GPHN: variants seen among roughly 807,000 people sequenced by gnomAD.
GPHN encodes the protein gephyrin.
In GPHN, 17 loss-of-function variants were observed where a neutral mutation model predicts 95.5. The ratio of observed to expected loss-of-function variants is 0.18; its 90% CI spans 0.12 to 0.27. The LOEUF is 0.27. Among genes scored for constraint, GPHN ranks in the 10% least tolerant of loss-of-function variants. GPHN has a pLI of 1.00. For missense variants in GPHN, 660 were observed against 978.1 expected, an observed-to-expected ratio of 0.67 and a Z score of 4.34; for synonymous variants, 320 against 322.5, an observed-to-expected ratio of 0.99 and a Z score of 0.08.
At chr14:67,663,404 T>C in the GPHN span, among the ~76,000 whole-genome samples, 1 of 152,130 alleles carries the variant, frequency 6.6e-6, no homozygotes, top group Non-Finnish European at 1.5e-5. Flanking sequence ...CTGGGCACGG[T>C]GACTCACGCC....
the GPHN span, chr14:67,302,265 C>T: frequency 9.2e-7 from 1 of 1,088,924 alleles, no homozygotes; most frequent in East Asian, 2.9e-5. Flanking sequence ...AATCTAATTA[C>T]AATTACTCTA....
chr14:66,666,216 G>C (rs554452530), intron 1 of GPHN, among the ~76,000 whole-genome samples: 2 of 151,500 alleles, frequency 1.3e-5, no homozygotes, highest in East Asian at 1.9e-4. Context: ...AAACCTGCAC[G>C]TTGTGCACAT....
chr14:67,020,934 A>G (rs1243585087), intron 9 of GPHN, among the ~76,000 whole-genome samples: 1 of 152,112 alleles, frequency 6.6e-6, no homozygotes, highest in African/African-American at 2.4e-5. Context: ...GGGTAACATA[A>G]AGAAAAAAAC....
chr14:66,682,553 C>T (rs950829865), intron 2 of GPHN, among the ~76,000 whole-genome samples: 2 of 151,750 alleles, frequency 1.3e-5, no homozygotes, highest in Admixed American at 1.3e-4. Context: ...AGATCAAGAC[C>T]ATCCTGGCCA....
intron 21 of GPHN, among the ~76,000 whole-genome samples, chr14:67,173,686 G>A (rs1816845001): frequency 6.6e-6 from 1 of 152,120 alleles, no homozygotes; most frequent in African/African-American, 2.4e-5. Flanking sequence ...GGAACATAAT[G>A]GGTCTCTAGT....
intron 3 of GPHN, among the ~76,000 whole-genome samples, chr14:66,822,077 G>A (rs1015792211): frequency 1.3e-5 from 2 of 151,944 alleles, no homozygotes; most frequent in African/African-American, 2.4e-5. Flanking sequence ...TCAGCCTCCC[G>A]AGTAGCTGGG....
chr14:66,582,336 G>GA (rs1818382139), intron 1 of GPHN, among the ~76,000 whole-genome samples: 2 of 152,018 alleles, frequency 1.3e-5, no homozygotes, highest in South Asian at 4.2e-4. Flanking sequence ...TGAGACAAAT[G>GA]AAAATACTAC....
the GPHN span, chr14:67,390,848 C>T: frequency 1.2e-6 from 1 of 819,384 alleles, no homozygotes; most frequent in South Asian, 1.3e-5. Flanking sequence ...CCAGCCCGCT[C>T]CAATGGGACT....
chr14:66,638,963 A>G (rs1046401963), intron 1 of GPHN, among the ~76,000 whole-genome samples: 2 of 152,148 alleles, frequency 1.3e-5, no homozygotes, highest in African/African-American at 4.8e-5. Flanking sequence ...ACATTCAGTT[A>G]GTGAAGAACA....
the GPHN span, among the ~76,000 whole-genome samples, chr14:67,605,470 C>T: frequency 1.3e-5 from 2 of 152,292 alleles, no homozygotes; most frequent in East Asian, 3.9e-4. Context: ...TATTCTCCCA[C>T]CTTGGCCTCC....
chr14:67,678,985 G>A, the GPHN span, among the ~76,000 whole-genome samples: 1 of 152,182 alleles, frequency 6.6e-6, no homozygotes, highest in Non-Finnish European at 1.5e-5. Flanking sequence ...GAGGTGTCTT[G>A]GTCCATTTTG....
chr14:67,033,145 A>T (rs1379202775), intron 10 of GPHN, among the ~76,000 whole-genome samples: 6 of 152,258 alleles, frequency 3.9e-5, no homozygotes, highest in African/African-American at 1.4e-4. Flanking sequence ...TGAAAAACTC[A>T]CTAGAGGGGT....
At chr14:66,930,112 G>A (rs1203868776) in intron 8 of GPHN, among the ~76,000 whole-genome samples, 2 of 152,192 alleles carry the variant, frequency 1.3e-5, no homozygotes, top group African/African-American at 2.4e-5. Flanking sequence ...TTTGATTGGA[G>A]AGTTAAGTTC....
intron 8 of GPHN, among the ~76,000 whole-genome samples, chr14:66,941,941 A>C (rs2067453180): frequency 6.6e-6 from 1 of 152,234 alleles, no homozygotes; most frequent in African/African-American, 2.4e-5. Context: ...GATCAGCAAT[A>C]TTCCAAAAAA....
chr14:66,834,195 T>C (rs1401441437), intron 4 of GPHN, among the ~76,000 whole-genome samples: 1 of 152,176 alleles, frequency 6.6e-6, no homozygotes, highest in Non-Finnish European at 1.5e-5. Context: ...AAAGAAATGT[T>C]ATGTTTCTCC....
chr14:67,592,682 C>A, the GPHN span: 1 of 1,608,730 alleles, frequency 6.2e-7, no homozygotes, highest in Admixed American at 1.7e-5. Flanking sequence ...TCCACTGGAT[C>A]TTTCAATAAG....
At chr14:67,729,410 C>T in the GPHN span, 32 of 1,588,702 alleles carry the variant, frequency 2.0e-5, no homozygotes, top group African/African-American at 2.7e-4. Context: ...TTCTCTCCAC[C>T]ACCTGTGTGC....
At chr14:67,009,743 A>G (rs1056270552) in intron 9 of GPHN, among the ~76,000 whole-genome samples, 2 of 152,054 alleles carry the variant, frequency 1.3e-5, no homozygotes, top group African/African-American at 4.8e-5. Flanking sequence ...GGCATTTTCA[A>G]TGAGAGTTTC....
the GPHN span, among the ~76,000 whole-genome samples, chr14:67,408,669 G>A: frequency 2.0e-5 from 3 of 152,152 alleles, no homozygotes; most frequent in Admixed American, 2.0e-4. Context: ...AGGGTTGCCT[G>A]CAAACACCAG....
Sources: allele counts gnomAD v4.1 joint callset (sites outside exome capture counted in the v4.1 genomes callset), GRCh38; gene constraint gnomAD v4.1.1; transcripts MANE v1.5; gene names NCBI Gene and HGNC (gene_info 2026-07-23, HGNC 2026-07-21).